Variants in SGCG observed in about 807,000 individuals in gnomAD.
SGCG encodes sarcoglycan gamma.
Under a neutral mutation model 29.3 loss-of-function variants are expected in SGCG, and 26 were observed. The observed-to-expected ratio is 0.89, with a 90% CI of 0.65 to 1.23. The LOEUF is 1.23. Among genes scored for constraint, SGCG ranks in the 50% most tolerant of loss-of-function variants. SGCG has a pLI of 0.00. For missense variants in SGCG, 353 were observed against 356.0 expected, an observed-to-expected ratio of 0.99 and a Z score of 0.07; for synonymous variants, 145 against 129.7, an observed-to-expected ratio of 1.12 and a Z score of -0.80.
chr13:23,255,537 T>G (rs1482938420), intron 4 of SGCG, among the ~76,000 whole-genome samples: 2 of 152,096 alleles, frequency 1.3e-5, no homozygotes, highest in Non-Finnish European at 2.9e-5. Context: ...TGATATGGTT[T>G]GAATATTTGT....
At chr13:23,321,656 G>A (rs1301719154) in intron 7 of SGCG, among the ~76,000 whole-genome samples, 5 of 152,106 alleles carry the variant, frequency 3.3e-5, no homozygotes, top group African/African-American at 7.2e-5. Context: ...TGGGCTGGAC[G>A]GCTCAAGATT....
At chr13:23,218,791 A>G (rs1323518087) in intron 2 of SGCG, among the ~76,000 whole-genome samples, 4 of 151,908 alleles carry the variant, frequency 2.6e-5, no homozygotes, top group Non-Finnish European at 4.4e-5. Context: ...GTTGATAGGG[A>G]CAACCTTACT....
intron 2 of SGCG, among the ~76,000 whole-genome samples, chr13:23,212,911 C>T (rs9580574): frequency 0.11 from 17,069 of 152,116 alleles, 1,183 homozygotes; most frequent in Middle Eastern, 0.15. Flanking sequence ...ACTCGGATTT[C>T]ACATTCTTTC....
At chr13:23,180,447 A>T (rs575284387), upstream of SGCG, among the ~76,000 whole-genome samples, 32 of 152,322 alleles carry the variant, frequency 2.1e-4, no homozygotes, top group Middle Eastern at 3.4e-3. Context: ...TTCTCCTCAG[A>T]TGTTAAAAGT....
chr13:23,199,969 AAGG>A (rs1334723946), intron 1 of SGCG, among the ~76,000 whole-genome samples: 1 of 152,174 alleles, frequency 6.6e-6, no homozygotes, highest in African/African-American at 2.4e-5. Context: ...CACCAGACTG[AAGG>A]AGATCTTGCT....
At chr13:23,183,775 C>G (rs1201342476) in intron 1 of SGCG, among the ~76,000 whole-genome samples, 2 of 152,152 alleles carry the variant, frequency 1.3e-5, no homozygotes, top group Non-Finnish European at 2.9e-5. Context: ...TCAAGTGATT[C>G]TTCTGCCTCA....
chr13:23,219,478 GTTTA>G (rs1878570747), intron 2 of SGCG, among the ~76,000 whole-genome samples: 1 of 152,082 alleles, frequency 6.6e-6, no homozygotes, highest in Non-Finnish European at 1.5e-5. Flanking sequence ...AGGGGATTTT[GTTTA>G]TTTATAGCTG....
In SGCG at chr13:23,223,152, C is replaced by A. The variant is rs535088265; in HGVS notation, c.196-11459C>A. 2.6e-5 allele frequency among the ~76,000 whole-genome samples: 4 copies of A among 151,996 alleles called. No homozygotes were observed. The South Asian group carries it at 6.2e-4, about 24-fold the overall frequency. ...AACTAGCGGGGTGTGGTGGCGGGCG[C>A]CTGTAGTTCCAGCTACTCTGGAGGC... On this transcript the variant is annotated intron_variant, in intron 2 of 7. Transcript: ENST00000218867.
intron 6 of SGCG, among the ~76,000 whole-genome samples, chr13:23,319,857 G>A (rs750977148): frequency 1.3e-5 from 2 of 152,182 alleles, no homozygotes; most frequent in Non-Finnish European, 2.9e-5. Context: ...CCAGGCAGAG[G>A]CAAGTAAGAG....
At chr13:23,221,706 G>T (rs1278018437) in intron 2 of SGCG, among the ~76,000 whole-genome samples, 1 of 152,110 alleles carries the variant, frequency 6.6e-6, no homozygotes, top group Admixed American at 6.5e-5. Flanking sequence ...ACTCAAAATG[G>T]TTTAAGGAGG....
chr13:23,212,077 T>C (rs762836662), intron 2 of SGCG, among the ~76,000 whole-genome samples: 3 of 152,136 alleles, frequency 2.0e-5, no homozygotes, highest in African/African-American at 7.2e-5. Context: ...GCTCCTACCA[T>C]GTAAGACGTG....
intron 2 of SGCG, among the ~76,000 whole-genome samples, chr13:23,222,218 C>T (rs1285731066): frequency 6.6e-6 from 1 of 152,112 alleles, no homozygotes; most frequent in East Asian, 1.9e-4. Context: ...CTTAGGTACA[C>T]GTATTGCAAC....
chr13:23,169,714 A>G, the SGCG span: 1 of 103,230 alleles, frequency 9.7e-6, no homozygotes, highest in African/African-American at 4.4e-5. Context: ...ACACACACAC[A>G]CACACACACA....
At chr13:23,252,561 G>A (rs1336479383) in intron 4 of SGCG, among the ~76,000 whole-genome samples, 1 of 152,012 alleles carries the variant, frequency 6.6e-6, no homozygotes, top group Non-Finnish European at 1.5e-5. Context: ...CGTGGTGGCG[G>A]TCGCCTGTAG....
chr13:23,187,667 C>T (rs1245077822), intron 1 of SGCG, among the ~76,000 whole-genome samples: 1 of 152,156 alleles, frequency 6.6e-6, no homozygotes, highest in East Asian at 1.9e-4. Context: ...CTGGGTCCCT[C>T]GCACATGTTC....
intron 2 of SGCG, among the ~76,000 whole-genome samples, chr13:23,219,205 G>A (rs1878558889): frequency 6.6e-6 from 1 of 151,752 alleles, no homozygotes; most frequent in African/African-American, 2.4e-5. Flanking sequence ...CTGCCACCTC[G>A]CCTGGCTAAC....
chr13:23,283,385 C>CT (rs1318576490), intron 5 of SGCG, among the ~76,000 whole-genome samples: 1 of 152,238 alleles, frequency 6.6e-6, no homozygotes, highest in Admixed American at 6.5e-5. Flanking sequence ...CCTTCTTTGT[C>CT]TTTTTTTATC....
At chr13:23,207,205 T>C (rs1176861363) in intron 2 of SGCG, among the ~76,000 whole-genome samples, 6 of 152,040 alleles carry the variant, frequency 3.9e-5, no homozygotes, top group African/African-American at 1.4e-4. Flanking sequence ...GTGCTAAGAG[T>C]ATCAAATTAG....
At chr13:23,264,908 T>TCAC (rs1880579960) in intron 4 of SGCG, among the ~76,000 whole-genome samples, 2 of 152,116 alleles carry the variant, frequency 1.3e-5, no homozygotes, top group African/African-American at 4.8e-5. Flanking sequence ...ATTTCTACTC[T>TCAC]CACCATATAC....
Sources: allele counts gnomAD v4.1 joint callset (sites outside exome capture counted in the v4.1 genomes callset), GRCh38; gene constraint gnomAD v4.1.1; transcripts MANE v1.5; gene names NCBI Gene and HGNC (gene_info 2026-07-23, HGNC 2026-07-21).